CUL2: variants seen among roughly 807,000 people sequenced by gnomAD.
The protein encoded by CUL2 is cullin 2.
CUL2 carries 22 observed loss-of-function variants against 110.2 expected under a neutral mutation model. The observed-to-expected ratio is 0.20, with a 90% CI of 0.14 to 0.28. The LOEUF is 0.28. CUL2 is among the 10% of genes least tolerant of loss of function. The pLI, the probability that CUL2 is intolerant of heterozygous loss-of-function variation, is 1.00. For missense variants in CUL2, 631 were observed against 905.5 expected (o/e 0.70, Z 3.89); for synonymous variants, 279 against 293.2 (o/e 0.95, Z 0.49).
chr10:35,047,778 G>A (rs190853268), intron 6 of CUL2, among the ~76,000 whole-genome samples: 12 of 151,852 alleles, frequency 7.9e-5, no homozygotes, highest in African/African-American at 2.4e-4. Flanking sequence ...TTAGCAGGGC[G>A]TGGTGGTGCC....
intron 12 of CUL2, among the ~76,000 whole-genome samples, chr10:35,032,219 T>C (rs1408861662): frequency 6.6e-6 from 1 of 152,216 alleles, no homozygotes; most frequent in Non-Finnish European, 1.5e-5. Context: ...TCAAAGTAGA[T>C]ATACATTAAA....
At chr10:35,019,980 T>C (rs573688228) in intron 17 of CUL2, among the ~76,000 whole-genome samples, 2 of 152,258 alleles carry the variant, frequency 1.3e-5, no homozygotes, top group East Asian at 3.9e-4. Context: ...ACCGCCTTCA[T>C]CAAGTGACCA....
In CUL2 at chr10:35,060,874, C is replaced by G. The variant is rs2086364141; in HGVS notation, c.317G>C (p.Arg106Thr). ...GTCTAGATTTTAAAGGCACACTCAC[C>G]TATATAAGCAGTCCATATAGTCTGC... Reference protein sequence around the residue: ...KGADYMDCLYRYLNTQFIKKN... With the variant: ...KGADYMDCLYTYLNTQFIKKN... Residue 106 changes from arginine to threonine, a missense_variant and splice_region_variant, in exon 4 of 21, where the codon AGG (arginine) becomes ACG (threonine). This residue lies in a region of CUL2 where 338 missense variants were observed against 442.5 expected (regional missense o/e 0.76). Transcript: ENST00000374749. The G allele has an allele frequency of 6.2e-7, 1 of 1,607,870 alleles. No homozygotes were observed. Among genetic ancestry groups the G allele is most frequent in the African/African-American group, 1.3e-5 (1 of 74,620 alleles).
intron 17 of CUL2, among the ~76,000 whole-genome samples, chr10:35,021,614 T>C (rs111361483): frequency 6.6e-6 from 1 of 151,484 alleles, no homozygotes. Context: ...TCCTTCCTTC[T>C]TTCATTTATT....
intron 3 of CUL2, among the ~76,000 whole-genome samples, chr10:35,061,409 G>A (rs1245067418): frequency 4.2e-5 from 6 of 142,990 alleles, no homozygotes; most frequent in South Asian, 2.3e-4. Flanking sequence ...CGATCGCACC[G>A]AGACCCCACC....
intron 2 of CUL2, among the ~76,000 whole-genome samples, chr10:35,098,739 T>G (rs890872980): frequency 2.0e-5 from 3 of 151,298 alleles, no homozygotes; most frequent in Non-Finnish European, 4.4e-5. Flanking sequence ...GAGACCAACC[T>G]GGCCAACATG....
At chr10:35,047,703 AGGT>A (rs2085982161) in intron 6 of CUL2, among the ~76,000 whole-genome samples, 5 of 113,568 alleles carry the variant, frequency 4.4e-5, no homozygotes, top group Admixed American at 3.4e-4. Flanking sequence ...GGATCTCTTG[AGGT>A]AGGAGCTCGA....
chr10:35,111,844 C>T (rs568726412), intron 1 of CUL2, among the ~76,000 whole-genome samples: 13 of 152,280 alleles, frequency 8.5e-5, no homozygotes, highest in East Asian at 1.9e-4. Flanking sequence ...GAGCTGAGAT[C>T]GCATCATTGC....
intron 5 of CUL2, among the ~76,000 whole-genome samples, chr10:35,053,158 C>T (rs554048615): frequency 6.6e-6 from 1 of 152,016 alleles, no homozygotes; most frequent in African/African-American, 2.4e-5. Flanking sequence ...AGAAAAGATG[C>T]GAACTAAATT....
rs537050724 is a variant in CUL2 at position 35,049,566 on chromosome 10, T to C, written c.506+117A>G. ...GCTGGCATTGGAAGTAAAATGAGGC[T>C]CATTACAGTAAAACCAGCCCCAAGG... On this transcript the variant is annotated intron_variant, in intron 6 of 20. Coordinates refer to ENST00000374749, the MANE Select transcript of CUL2 (RefSeq NM_003591.4). 29 of 653,758 alleles carry C rather than the reference T, an allele frequency of 4.4e-5. No homozygotes were observed. In the African/African-American group the frequency reaches 4.8e-4, roughly 11 times the overall value. 40.5% of individuals were successfully genotyped at this position (653,758 alleles called of 1,614,324 possible).
intron 8 of CUL2, among the ~76,000 whole-genome samples, chr10:35,043,010 T>A (rs1467337422): frequency 6.6e-6 from 1 of 152,008 alleles, no homozygotes; most frequent in African/African-American, 2.4e-5. Context: ...CTGCTTGGTG[T>A]GTGGGAGAAG....
intron 1 of CUL2, among the ~76,000 whole-genome samples, chr10:35,103,308 A>ATTTTTTTTTTTTT (rs67257350): frequency 1.2e-3 from 116 of 94,568 alleles, no homozygotes; most frequent in East Asian, 2.4e-3. Context: ...GGCCAAGCTA[A>ATTTTTTTTTTTTT]TTTTTTTTTT....
In CUL2 at chr10:35,011,790, T is replaced by A. The variant is rs73256993; in HGVS notation, c.2106+58A>T. 1.1e-3 allele frequency: 905 copies of A among 828,610 alleles called. 4 individuals carry two copies. The African/African-American group carries it at 0.012, about 11-fold the overall frequency. The allele number at this position is 828,610 out of a possible 1,614,324, so 51.3% of individuals were successfully genotyped here. ...CCTCTTTAAGAAGAAAGAGACTGAA[T>A]CTGTACAATGACAATGCCCTCTACC... On this transcript the variant is annotated intron_variant, in intron 20 of 20. Coordinates refer to ENST00000374749, the MANE Select transcript of CUL2 (RefSeq NM_003591.4).
At chr10:35,050,817 G>A (rs1278037201) in intron 5 of CUL2, among the ~76,000 whole-genome samples, 4 of 152,226 alleles carry the variant, frequency 2.6e-5, no homozygotes. Context: ...GCCCACATAA[G>A]CAACAGATTC....
intron 6 of CUL2, among the ~76,000 whole-genome samples, chr10:35,048,715 G>A (rs558524152): frequency 5.9e-5 from 9 of 152,150 alleles, no homozygotes; most frequent in Non-Finnish European, 1.0e-4. Flanking sequence ...AAAAACAATG[G>A]AATCACTCAA....
Position 35,044,672 on chromosome 10 carries a change from T to C in CUL2, c.608A>G (p.Tyr203Cys). The change falls in exon 8 of 21, where the codon TAT (tyrosine) becomes TGT (cysteine). Residue 203 changes from tyrosine (Y) to cysteine (C), a missense_variant. Physicochemically the swap from Tyr to Cys is radical, Grantham distance 194 (BLOSUM62 -2). Around this residue, in one of 3 missense-constraint regions of CUL2, gnomAD observed 338 missense variants for 442.5 expected, o/e 0.76. Coordinates refer to ENST00000374749, the MANE Select transcript of CUL2 (RefSeq NM_003591.4). ...QYKKKFPLKF[Y>C]QEIFESPFLT... ...AAAGGGAGACTCAAAAATTTCCTGA[T>C]AAAACTGAATAAATCAATTACATCA... 6.2e-7 allele frequency: 1 copy of C among 1,601,476 alleles called. No individual in the cohort carries two copies. Among genetic ancestry groups the C allele is most frequent in the Non-Finnish European group, 8.5e-7 (1 of 1,172,278 alleles).
upstream of CUL2, chr10:35,090,635 A>C (rs2087188820): frequency 6.6e-6 from 1 of 152,596 alleles, no homozygotes; most frequent in Admixed American, 6.5e-5. Flanking sequence ...CGCCACCCGG[A>C]AAGCAATGGT....
At chr10:35,080,120 G>A (rs2086909864) in intron 1 of CUL2, among the ~76,000 whole-genome samples, 1 of 152,146 alleles carries the variant, frequency 6.6e-6, no homozygotes, top group Admixed American at 6.5e-5. Context: ...GAATAAGGGA[G>A]GCAGGGAAGT....
chr10:35,095,028 A>G (rs2087274367), upstream of CUL2, among the ~76,000 whole-genome samples: 1 of 152,148 alleles, frequency 6.6e-6, no homozygotes, highest in Non-Finnish European at 1.5e-5. Context: ...CTTCAAAAGT[A>G]ATGTTGGCGG....
Sources: gnomAD v4.1 joint callset for allele counts (sites outside exome capture counted in the v4.1 genomes callset) on GRCh38, gnomAD v4.1.1 for gene constraint, gnomAD v4.1.1 regional missense constraint, MANE v1.5 for transcripts, NCBI Gene and HGNC (gene_info 2026-07-23, HGNC 2026-07-21) for gene names.